Variants in TNRC6C observed in about 807,000 individuals in gnomAD.
The protein encoded by TNRC6C is trinucleotide repeat containing adaptor 6C.
Under a neutral mutation model 153.7 loss-of-function variants are expected in TNRC6C, and 20 were observed. The ratio of observed to expected loss-of-function variants is 0.13; its 90% CI spans 0.09 to 0.19. TNRC6C has a LOEUF of 0.19. Ranked by LOEUF, TNRC6C falls within the 10% of genes least tolerant of loss-of-function variation. The probability of loss-of-function intolerance (pLI) is 1.00; values close to 1 mark genes in which losing one functional copy is unlikely to be tolerated. For missense variants in TNRC6C, 1,987 were observed against 2,172.0 expected (o/e 0.91, Z 1.69); for synonymous variants, 811 against 841.4 (o/e 0.96, Z 0.63).
At chr17:78,076,580 T>C (rs577570863) in intron 8 of TNRC6C, among the ~76,000 whole-genome samples, 1 of 152,372 alleles carries the variant, frequency 6.6e-6, no homozygotes, top group East Asian at 1.9e-4. Flanking sequence ...TTTGCTAATC[T>C]GGCAACCCTA....
intron 3 of TNRC6C, among the ~76,000 whole-genome samples, chr17:78,062,706 G>A (rs546679598): frequency 2.0e-5 from 3 of 152,132 alleles, no homozygotes; most frequent in East Asian, 1.9e-4. Context: ...TTTTTGTACT[G>A]AAGTGTGAAG....
intron 2 of TNRC6C, among the ~76,000 whole-genome samples, chr17:78,043,896 C>A (rs1280465420): frequency 2.0e-5 from 3 of 152,122 alleles, no homozygotes; most frequent in Non-Finnish European, 2.9e-5. Flanking sequence ...ATGACAGGAT[C>A]TTATTCTTTT....
At chr17:77,998,251 C>A (rs1055687622) in intron 1 of TNRC6C, among the ~76,000 whole-genome samples, 3 of 152,212 alleles carry the variant, frequency 2.0e-5, no homozygotes, top group Non-Finnish European at 4.4e-5. Context: ...GTGGACCCTA[C>A]GTGACATAGT....
At chr17:77,993,973 A>T (rs1424801475) in intron 1 of TNRC6C, among the ~76,000 whole-genome samples, 7 of 152,014 alleles carry the variant, frequency 4.6e-5, no homozygotes, top group Non-Finnish European at 7.4e-5. Flanking sequence ...TGGGCAGATC[A>T]CCTGAGGTCA....
At chr17:77,965,586 TC>T (rs1420293909) in intron 1 of TNRC6C, among the ~76,000 whole-genome samples, 1 of 152,190 alleles carries the variant, frequency 6.6e-6, no homozygotes, top group Non-Finnish European at 1.5e-5. Flanking sequence ...CTTTATGTCT[TC>T]CCTGTGCAGC....
intron 5 of TNRC6C, among the ~76,000 whole-genome samples, chr17:78,069,528 T>C (rs2072949547): frequency 6.6e-6 from 1 of 152,202 alleles, no homozygotes; most frequent in Non-Finnish European, 1.5e-5. Context: ...GGTCTACAGG[T>C]GCATGCCACT....
rs563068684 is a variant in TNRC6C at position 78,050,827 on chromosome 17, A to C, written c.1765A>C (p.Asn589His). 6.2e-6 allele frequency: 10 copies of C among 1,613,830 alleles called. No homozygotes were observed. In the Admixed American group the frequency reaches 1.5e-4, roughly 24 times the overall value. Residue 589 changes from asparagine (N) to histidine (H), a missense_variant, in exon 3 of 20, where the codon AAT becomes CAT. This residue lies in a region of TNRC6C where 1,052 missense variants were observed against 1,017.0 expected (regional missense o/e 1.03). Coordinates refer to ENST00000301624, the Ensembl canonical transcript of TNRC6C. The stretch of plus-strand genomic sequence containing the variant: ...ACACTGGGGAGATGGACAAAGATCA[A>C]ATCCAGCCTGGAGTGCAGGAGGGGG...
chr17:77,985,323 A>G (rs1472047713), intron 1 of TNRC6C, among the ~76,000 whole-genome samples: 2 of 151,958 alleles, frequency 1.3e-5, no homozygotes, highest in African/African-American at 4.8e-5. Flanking sequence ...GGCTGGGCGC[A>G]GTGGCTCACG....
chr17:78,086,361 C>T (rs1375375936), intron 11 of TNRC6C, 142 bp from the exon 14 acceptor site: 7 of 123,626 alleles, frequency 5.7e-5, no homozygotes, highest in Non-Finnish European at 1.2e-4. Context: ...AAAAAAAAAA[C>T]AGTATGTGTC....
intron 1 of TNRC6C, among the ~76,000 whole-genome samples, chr17:77,983,212 C>T (rs2144113411): frequency 6.6e-6 from 1 of 152,282 alleles, no homozygotes; most frequent in Non-Finnish European, 1.5e-5. Context: ...ATTCTAGCAA[C>T]TGAGTTCTGC....
chr17:78,087,361 T>G (rs887147546), intron 13 of TNRC6C, among the ~76,000 whole-genome samples: 4 of 152,078 alleles, frequency 2.6e-5, no homozygotes, highest in African/African-American at 7.2e-5. Flanking sequence ...CAAGCAATCC[T>G]CCCACCTCAG....
At chr17:78,064,795 T>G (rs2072839910) in exon 4 of TNRC6C, 1 of 1,613,850 alleles carries the variant, frequency 6.2e-7, no homozygotes, top group South Asian at 1.1e-5. Context: ...CATCCTCCCC[T>G]TCTACCCTGG....
intron 3 of TNRC6C, among the ~76,000 whole-genome samples, chr17:78,063,448 G>A (rs2072809927): frequency 2.0e-5 from 3 of 151,976 alleles, no homozygotes; most frequent in African/African-American, 7.2e-5. Flanking sequence ...AAGAAAATTT[G>A]TATAAATGGA....
intron 2 of TNRC6C, among the ~76,000 whole-genome samples, chr17:78,043,533 G>A (rs76975055): frequency 0.046 from 7,032 of 152,108 alleles, 515 homozygotes; most frequent in African/African-American, 0.16. Context: ...CAGGATAAAT[G>A]GGGTATCAGT....
chr17:78,103,651 C>T, intron 19 of TNRC6C, 98 bp downstream of exon 22: 1 of 1,500,090 alleles, frequency 6.7e-7, no homozygotes, highest in Non-Finnish European at 9.0e-7. Flanking sequence ...GCCACCATAG[C>T]AGAATCCCAC....
At chr17:78,102,697 G>A in intron 18 of TNRC6C, 153 bp downstream of exon 21, 1 of 684,312 alleles carries the variant, frequency 1.5e-6, no homozygotes, top group Non-Finnish European at 2.4e-6. Flanking sequence ...ATGAGCAAGT[G>A]CCAGGATTGG....
chr17:78,024,198 G>A (rs369632024), intron 1 of TNRC6C, among the ~76,000 whole-genome samples: 6 of 152,316 alleles, frequency 3.9e-5, no homozygotes, highest in African/African-American at 9.6e-5. Context: ...AACACATTGA[G>A]TGGTTCTAAG....
chr17:78,077,074 ATC>A, intron 8 of TNRC6C, 109 bp from the exon 11 acceptor site: 1 of 1,234,736 alleles, frequency 8.1e-7, no homozygotes, highest in Non-Finnish European at 1.1e-6. Context: ...CACTTTTTTG[ATC>A]TGTTAATTAT....
chr17:78,085,610 A>G (rs1204059838), intron 11 of TNRC6C, among the ~76,000 whole-genome samples: 1 of 152,226 alleles, frequency 6.6e-6, no homozygotes, highest in Non-Finnish European at 1.5e-5. Context: ...ACAGAAGAAT[A>G]TCATCATAAC....
Sources: gnomAD v4.1 joint callset for allele counts (sites outside exome capture counted in the v4.1 genomes callset) on GRCh38, gnomAD v4.1.1 for gene constraint, gnomAD v4.1.1 regional missense constraint, MANE v1.5 for transcripts, NCBI Gene and HGNC (gene_info 2026-07-23, HGNC 2026-07-21) for gene names.